NOL11: variants seen among roughly 807,000 people sequenced by gnomAD.
NOL11 encodes the protein nucleolar protein 11.
In NOL11, 42 loss-of-function variants were observed where a neutral mutation model predicts 93.0. That is an observed-to-expected ratio of 0.45 (90% confidence interval 0.35 to 0.58). The LOEUF is 0.58. NOL11 is among the 20% of genes least tolerant of loss of function. NOL11 has a pLI of 0.00. For synonymous variants in NOL11, 296 were observed against 293.7 expected, an observed-to-expected ratio of 1.01 and a Z score of -0.08; for missense variants, 775 against 841.8, an observed-to-expected ratio of 0.92 and a Z score of 0.98.
chr17:67,729,116 CAG>C (rs2055127353), intron 7 of NOL11, among the ~76,000 whole-genome samples: 2 of 148,564 alleles, frequency 1.3e-5, no homozygotes, highest in African/African-American at 5.0e-5. Context: ...TTTTTTGAGA[CAG>C]AGTTTTAGTC....
intron 3 of NOL11, 98 bp downstream of exon 3, chr17:67,720,060 A>G: frequency 8.8e-7 from 1 of 1,137,020 alleles, no homozygotes; most frequent in Non-Finnish European, 1.2e-6. Flanking sequence ...ACCTCTGGGA[A>G]AATAAGCATA....
rs1309377565 is a variant in NOL11 at position 67,737,854 on chromosome 17, C to A, written c.1411C>A (p.Pro471Thr). 6.2e-7 allele frequency: 1 copy of A among 1,611,072 alleles called. No individual in the cohort carries two copies. The highest frequency in any genetic ancestry group is 1.7e-5 in the Admixed American group (1 of 58,984). The change falls in exon 13 of 18, where the codon CCC (proline) becomes ACC (threonine). Residue 471 changes from proline to threonine, a missense_variant. Transcript: ENST00000253247. ...CAGATTTTTTTGTCTTAGTTTGTGC[C>A]CCGACTTAATGGAGATTGCCTTAAA... ...QTHVLSYSLC[P>T]DLMEIALKKK...
At chr17:67,735,804 A>T (rs1358957148) in intron 8 of NOL11, 96 bp from the exon 9 acceptor site, 1 of 842,516 alleles carries the variant, frequency 1.2e-6, no homozygotes, top group Non-Finnish European at 1.7e-6. Flanking sequence ...CTCGTTTTTA[A>T]TACTGAGCAC....
chr17:67,736,292 G>GAA (rs200514728), intron 9 of NOL11, among the ~76,000 whole-genome samples: 1 of 127,270 alleles, frequency 7.9e-6, no homozygotes. Context: ...ACAGAAAATG[G>GAA]AAAACAAAAA....
At chr17:67,729,515 A>G (rs1043715089) in intron 7 of NOL11, among the ~76,000 whole-genome samples, 4 of 152,016 alleles carry the variant, frequency 2.6e-5, no homozygotes, top group African/African-American at 7.3e-5. Flanking sequence ...ACCCTTGGCA[A>G]CCACCAATTT....
intron 17 of NOL11, 52 bp downstream of exon 17, chr17:67,743,638 G>T: frequency 8.0e-7 from 1 of 1,252,948 alleles, no homozygotes; most frequent in South Asian, 1.3e-5. Flanking sequence ...AGTATCACCT[G>T]AATTACAATT....
At chr17:67,732,043 T>C (rs558885046) in intron 7 of NOL11, among the ~76,000 whole-genome samples, 1 of 152,368 alleles carries the variant, frequency 6.6e-6, no homozygotes, top group Non-Finnish European at 1.5e-5. Flanking sequence ...GAACTGAGCC[T>C]GTAGGTTGCT....
intron 4 of NOL11, 52 bp downstream of exon 4, chr17:67,721,578 ATTT>A (rs746499201): frequency 1.3e-6 from 2 of 1,493,202 alleles, no homozygotes; most frequent in Non-Finnish European, 1.8e-6. Flanking sequence ...TGCACTGAAC[ATTT>A]TTTTGCCTTG....
chr17:67,740,130 G>A (rs2055241211), intron 16 of NOL11, among the ~76,000 whole-genome samples: 1 of 152,042 alleles, frequency 6.6e-6, no homozygotes, highest in South Asian at 2.1e-4. Flanking sequence ...AGATACATGG[G>A]AGGCTGAGGC....
At chr17:67,726,439 A>G (rs1327343842) in intron 6 of NOL11, 21 bp from the exon 7 acceptor site, 1 of 1,591,368 alleles carries the variant, frequency 6.3e-7, no homozygotes, top group Admixed American at 1.8e-5. Flanking sequence ...ATAACCAACA[A>G]CAAATGCTTG....
intron 5 of NOL11, 135 bp downstream of exon 5, chr17:67,722,772 C>T: frequency 8.1e-7 from 1 of 1,234,902 alleles, no homozygotes; most frequent in South Asian, 1.8e-5. Flanking sequence ...GCAGCCTCAA[C>T]CTCCTGGCTC....
intron 7 of NOL11, among the ~76,000 whole-genome samples, chr17:67,733,800 G>A (rs1344162240): frequency 1.3e-5 from 2 of 152,166 alleles, no homozygotes. Flanking sequence ...GTGCTGCACT[G>A]ATTGGTTTTC....
chr17:67,725,688 T>C (rs2055084847), intron 6 of NOL11, among the ~76,000 whole-genome samples: 1 of 152,176 alleles, frequency 6.6e-6, no homozygotes, highest in African/African-American at 2.4e-5. Flanking sequence ...TATATAAATC[T>C]TTACGTAACA....
chr17:67,721,648 C>T (rs958442375), intron 4 of NOL11, 122 bp downstream of exon 4: 4 of 774,936 alleles, frequency 5.2e-6, no homozygotes, highest in Non-Finnish European at 8.2e-6. Flanking sequence ...AAATCACTTA[C>T]AAAACACTGA....
rs1460392226 is a variant in NOL11 at position 67,721,512 on chromosome 17, T to G, written c.447T>G (p.Asp149Glu). ...AGAAAATTGAAACTGTTATCTCTGATGAAGAAGTGATTAAGTAAGTTCCAG... is the reference window on the plus strand; with the variant it reads ...AGAAAATTGAAACTGTTATCTCTGAGGAAGAAGTGATTAAGTAAGTTCCAG... ...PQQKIETVIS[D>E]EEVIKWTKFF... The change falls in exon 4 of 18, where the codon GAT becomes GAG. Residue 149 changes from aspartate to glutamate, a missense_variant. This residue lies in a region of NOL11 where 359 missense variants were observed against 316.5 expected (regional missense o/e 1.13). Coordinates refer to ENST00000253247, the MANE Select transcript of NOL11 (RefSeq NM_015462.5). The G allele has an allele frequency of 2.5e-6, 4 of 1,612,396 alleles. No homozygotes were observed. In the African/African-American group the frequency reaches 4.0e-5, roughly 16 times the overall value.
Position 67,724,134 on chromosome 17 carries a change from C to CT in NOL11, c.606dup (p.Val203CysfsTer22), listed in dbSNP as rs1189520124. The CT allele has an allele frequency of 6.3e-7, 1 of 1,595,198 alleles. No homozygotes were observed. The highest frequency in any genetic ancestry group is 2.2e-5 in the East Asian group (1 of 44,748). ...CTCTTACTTGGACAAGACGAAAACT[C>CT]TGTTATAAAGAGTTTTACTGCATCT... On this transcript the variant is annotated frameshift_variant, in exon 6 of 18. Coordinates refer to ENST00000253247, the MANE Select transcript of NOL11 (RefSeq NM_015462.5). LOFTEE classifies it high-confidence loss of function.
chr17:67,720,108 T>C (rs2043206649), intron 3 of NOL11, 146 bp downstream of exon 3: 1 of 679,096 alleles, frequency 1.5e-6, no homozygotes, highest in Non-Finnish European at 2.3e-6. Flanking sequence ...TATCTTACAA[T>C]GTATCTTGGT....
chr17:67,734,465 C>A (rs760643651), intron 8 of NOL11, 26 bp downstream of exon 8: 11 of 1,384,904 alleles, frequency 7.9e-6, no homozygotes, highest in Non-Finnish European at 4.1e-6. Flanking sequence ...TGAGTACTTT[C>A]TCTGATTTAG....
chr17:67,743,709 A>G lies in NOL11; in HGVS notation c.2044-34A>G, dbSNP rs1242670683. On this transcript the variant is annotated intron_variant, in intron 17 of 17. Transcript: ENST00000253247. ...GAAGATTTGTTTCTATGTAGACATTATGGTAAAAGTTACTCTGAAACTCTT... is the reference window on the plus strand; with the variant it reads ...GAAGATTTGTTTCTATGTAGACATTGTGGTAAAAGTTACTCTGAAACTCTT... 2.3e-6 allele frequency: 3 copies of G among 1,285,984 alleles called. No homozygotes were observed. In the African/African-American group the frequency reaches 4.5e-5, roughly 19 times the overall value. 79.7% of individuals were successfully genotyped at this position (1,285,984 alleles called of 1,614,324 possible).
Sources: gnomAD v4.1 joint callset for allele counts (sites outside exome capture counted in the v4.1 genomes callset) on GRCh38, gnomAD v4.1.1 for gene constraint, gnomAD v4.1.1 regional missense constraint, MANE v1.5 for transcripts, NCBI Gene and HGNC (gene_info 2026-07-23, HGNC 2026-07-21) for gene names.